The following OR56A3 variants were observed in gnomAD, a reference collection of about 807,000 sequenced individuals.
OR56A3 encodes olfactory receptor 56A3.
A neutral mutation model predicts 17.5 loss-of-function variants in OR56A3; 23 were observed. The ratio of observed to expected loss-of-function variants is 1.32; its 90% CI spans 0.95 to 1.87. The LOEUF (loss-of-function observed/expected upper bound fraction) is 1.87. Ranked by LOEUF, OR56A3 falls within the 40% of genes most tolerant of loss-of-function variation. The probability of loss-of-function intolerance (pLI) is 0.00; values close to 1 mark genes in which losing one functional copy is unlikely to be tolerated. For synonymous variants in OR56A3, 175 were observed against 150.6 expected (o/e 1.16, Z -1.19); for missense variants, 366 against 380.1 (o/e 0.96, Z 0.31).
chr11:6,017,569 TCG>T, the OR56A3 span, among the ~76,000 whole-genome samples: 1 of 152,048 alleles, frequency 6.6e-6, no homozygotes, highest in African/African-American at 2.4e-5. Flanking sequence ...CATAATTCAA[TCG>T]CCTCTCACTA....
the OR56A3 span, chr11:6,003,028 C>A: frequency 1.3e-5 from 21 of 1,614,060 alleles, no homozygotes; most frequent in Non-Finnish European, 1.8e-5. Flanking sequence ...ACCCAGTGTA[C>A]CTTAAAACGT....
At chr11:5,982,834 G>A in the OR56A3 span, among the ~76,000 whole-genome samples, 4 of 152,064 alleles carry the variant, frequency 2.6e-5, no homozygotes, top group Admixed American at 6.6e-5. Flanking sequence ...ATGGAGAGTG[G>A]GCCACACATT....
chr11:5,945,416 C>T (rs1304562230), intron 2 of OR56A3, among the ~76,000 whole-genome samples: 2 of 151,506 alleles, frequency 1.3e-5, no homozygotes, highest in African/African-American at 2.4e-5. Flanking sequence ...CTACTACAAC[C>T]ACAAAAACAA....
chr11:5,965,823 T>C, the OR56A3 span, among the ~76,000 whole-genome samples: 6 of 152,100 alleles, frequency 3.9e-5, no homozygotes, highest in African/African-American at 7.2e-5. Flanking sequence ...CTGAGACTCA[T>C]AAGATGGGCA....
the OR56A3 span, among the ~76,000 whole-genome samples, chr11:6,018,036 GTGTGTA>G: frequency 3.6e-4 from 25 of 69,634 alleles, no homozygotes; most frequent in South Asian, 1.2e-3. Context: ...ATGTGTGTGT[GTGTGTA>G]TATATATATA....
the OR56A3 span, among the ~76,000 whole-genome samples, chr11:5,985,537 C>A: frequency 6.6e-6 from 1 of 152,186 alleles, no homozygotes; most frequent in Non-Finnish European, 1.5e-5. Context: ...CCAGCACTAA[C>A]TTAGAGGTTT....
At chr11:6,020,918 A>G in the OR56A3 span, 3 of 152,070 alleles carry the variant, frequency 2.0e-5, no homozygotes, top group African/African-American at 4.8e-5. Context: ...TCTTTTGCCC[A>G]TTTTGGAGGT....
At position 5,947,288 on chromosome 11, in the gene OR56A3, A is replaced by G. The variant is rs1847875497; in HGVS notation, c.-36-23A>G. 4.9e-6 allele frequency: 7 copies of G among 1,415,626 alleles called. No homozygotes were observed. In the East Asian group the frequency reaches 1.6e-4, roughly 33 times the overall value. The allele number at this position is 1,415,626 out of a possible 1,614,324, so 87.7% of individuals were successfully genotyped here. A position where few individuals can be genotyped will look rare whatever the true frequency, so the allele number is the denominator to read the frequency against. ...CTTTGTGTATCAAGAATCCACAGCTAGTTTGTAATCATAATTTTCCAGATC... is the reference window on the plus strand; with the variant it reads ...CTTTGTGTATCAAGAATCCACAGCTGGTTTGTAATCATAATTTTCCAGATC... On this transcript the variant is annotated intron_variant, in intron 2 of 2. Transcript: ENST00000641160.
At chr11:6,003,670 A>G in the OR56A3 span, among the ~76,000 whole-genome samples, 1 of 152,154 alleles carries the variant, frequency 6.6e-6, no homozygotes, top group Non-Finnish European at 1.5e-5. Context: ...ACATGCAAAC[A>G]CCACACAGAC....
At chr11:5,997,977 A>G in the OR56A3 span, among the ~76,000 whole-genome samples, 5 of 152,178 alleles carry the variant, frequency 3.3e-5, no homozygotes, top group Middle Eastern at 3.2e-3. Flanking sequence ...GATTTGTCCA[A>G]ATGTGTGTGA....
the OR56A3 span, among the ~76,000 whole-genome samples, chr11:6,013,807 C>T: frequency 2.8e-3 from 425 of 152,266 alleles, 3 homozygotes; most frequent in African/African-American, 9.6e-3. Flanking sequence ...CTGCCACCAC[C>T]GGCACCCACC....
At chr11:5,978,355 C>T in the OR56A3 span, among the ~76,000 whole-genome samples, 1 of 151,946 alleles carries the variant, frequency 6.6e-6, no homozygotes, top group South Asian at 2.1e-4. Context: ...GAATGTTTTC[C>T]CATTTGTTTA....
the OR56A3 span, among the ~76,000 whole-genome samples, chr11:5,971,431 T>C: frequency 3.3e-5 from 5 of 152,222 alleles, no homozygotes; most frequent in African/African-American, 1.2e-4. Context: ...CCATCTACGA[T>C]TGTGCTTTAC....
At chr11:5,976,603 C>A in the OR56A3 span, among the ~76,000 whole-genome samples, 1 of 151,982 alleles carries the variant, frequency 6.6e-6, no homozygotes, top group Non-Finnish European at 1.5e-5. Flanking sequence ...CTTCATAGTT[C>A]TTACTCGGGC....
the OR56A3 span, among the ~76,000 whole-genome samples, chr11:5,976,392 T>G: frequency 6.6e-6 from 1 of 152,196 alleles, no homozygotes; most frequent in African/African-American, 2.4e-5. Flanking sequence ...TTTTGAGAAT[T>G]TCCAGTCACA....
At chr11:5,982,042 A>G in the OR56A3 span, among the ~76,000 whole-genome samples, 3 of 152,172 alleles carry the variant, frequency 2.0e-5, no homozygotes, top group Non-Finnish European at 4.4e-5. Flanking sequence ...TGGAGGAGCC[A>G]AGGTGTTCTC....
chr11:6,003,250 A>G, the OR56A3 span: 2 of 701,388 alleles, frequency 2.9e-6, no homozygotes, highest in Non-Finnish European at 4.5e-6. Flanking sequence ...AGTAATTAAT[A>G]TTGTTATCCT....
the OR56A3 span, among the ~76,000 whole-genome samples, chr11:5,963,749 G>GA: frequency 6.6e-6 from 1 of 152,004 alleles, no homozygotes; most frequent in South Asian, 2.1e-4. Flanking sequence ...CCTGGGTTTG[G>GA]AAAGTATTTT....
Position 5,949,274 on chromosome 11 carries a change from A to G in OR56A3, c.*980A>G, listed in dbSNP as rs1268517145. The stretch of plus-strand genomic sequence containing the variant: ...CAAAGTTTGGGTAGGAAAAATACAA[A>G]TATGCACTCCAGAACACATTCTTCT... On this transcript the variant is annotated 3_prime_UTR_variant, in exon 3 of 3. Coordinates refer to ENST00000641160, the MANE Select transcript of OR56A3 (RefSeq NM_001003443.3). 6.6e-6 allele frequency: 1 copy of G among 152,212 alleles called. No homozygotes were observed. The highest frequency in any genetic ancestry group is 2.4e-5 in the African/African-American group (1 of 41,460). The allele number at this position is 152,212 out of a possible 1,614,324, so 9.4% of individuals were successfully genotyped here.
Sources: allele counts gnomAD v4.1 joint callset (sites outside exome capture counted in the v4.1 genomes callset), GRCh38; gene constraint gnomAD v4.1.1; transcripts MANE v1.5; gene names NCBI Gene and HGNC (gene_info 2026-07-23, HGNC 2026-07-21).